The following TMEM74 variants were observed in gnomAD, a reference collection of about 807,000 sequenced individuals.
The protein encoded by TMEM74 is transmembrane protein 74.
A neutral mutation model predicts 18.1 loss-of-function variants in TMEM74; 13 were observed. The ratio of observed to expected loss-of-function variants is 0.72; its 90% confidence interval spans 0.47 to 1.14. The LOEUF is 1.14. TMEM74 is among the 50% of genes most tolerant of loss of function. The pLI is 0.00. For missense variants in TMEM74, 372 were observed against 375.9 expected, an observed-to-expected ratio of 0.99 and a Z score of 0.09; for synonymous variants, 159 against 146.6, an observed-to-expected ratio of 1.08 and a Z score of -0.61.
In TMEM74 at chr8:108,733,021, TG is replaced by T. The variant is rs376975805; in HGVS notation, n.119+54454del. Among the ~76,000 whole-genome samples, 152 of 152,232 alleles carry T rather than the reference TG, an allele frequency of 1.0e-3. 2 individuals are homozygous for T. The South Asian group carries it at 0.027, about 27-fold the overall frequency. On this transcript the variant is annotated intron_variant and non_coding_transcript_variant, in intron 1 of 3. Transcript: ENST00000518838. ...ACAATGTCAAGCATTTTAGAGAATG[TG>T]GAGCATCTGGAACTTCCACATATAG...
At chr8:108,715,432 GA>G (rs377053356) in intron 1 of TMEM74, among the ~76,000 whole-genome samples, 60 of 149,514 alleles carry the variant, frequency 4.0e-4, no homozygotes, top group African/African-American at 1.4e-3. Context: ...AGCGGAAAAA[GA>G]AAAAAAAATG....
At position 108,784,864 on chromosome 8, in the gene TMEM74, C is replaced by A; in HGVS notation, c.235G>T (p.Asp79Tyr). ...TGGAGAAGTCCTGGTGGAAAGGCAT[C>A]TGGCTGAAGAGTACTGTTTTGCAGA... ...SSLQNSTLQP[D>Y]AFPPGLLHSG... The change falls in exon 2 of 2, where the codon GAT becomes TAT. Residue 79 changes from aspartate to tyrosine, a missense_variant. Physicochemically the swap from Asp to Tyr is radical, Grantham distance 160. Transcript: ENST00000297459. The A allele has an allele frequency of 6.2e-7, 1 of 1,614,156 alleles. No homozygotes were observed. Among genetic ancestry groups the A allele is most frequent in the African/African-American group, 1.3e-5 (1 of 75,042 alleles).
chr8:108,706,776 G>GGGGTGT (rs145501229), intron 1 of TMEM74, among the ~76,000 whole-genome samples: 14 of 144,972 alleles, frequency 9.7e-5, no homozygotes, highest in East Asian at 6.2e-4. Context: ...AATTACAAGG[G>GGGGTGT]GTGTGTGTGT....
intron 2 of TMEM74, among the ~76,000 whole-genome samples, chr8:108,645,414 G>T (rs542466714): frequency 1.3e-5 from 2 of 152,148 alleles, no homozygotes; most frequent in South Asian, 4.2e-4. Flanking sequence ...TCAGTGCCTG[G>T]GTGATGGGAT....
chr8:108,670,163 C>T (rs537987509), intron 1 of TMEM74, among the ~76,000 whole-genome samples: 2 of 151,350 alleles, frequency 1.3e-5, no homozygotes, highest in Non-Finnish European at 2.9e-5. Flanking sequence ...CACTCTGAAT[C>T]TGGATAAATT....
chr8:108,652,223 G>T (rs1812782035), intron 2 of TMEM74: 1 of 152,200 alleles, frequency 6.6e-6, no homozygotes, highest in South Asian at 2.1e-4. Flanking sequence ...TACAAATATT[G>T]GTTAAGTAAA....
rs1586297425 is a variant in TMEM74, at chr8:108,783,948, T to C, written c.*233A>G. The C allele has an allele frequency of 8.2e-6, 3 of 363,748 alleles. No homozygotes were observed. Among genetic ancestry groups the C allele is most frequent in the East Asian group, 4.5e-5 (1 of 22,076 alleles). The allele number at this position is 363,748 out of a possible 1,614,324, so 22.5% of individuals were successfully genotyped here. On this transcript the variant is annotated 3_prime_UTR_variant, in exon 2 of 2. Coordinates refer to ENST00000297459, the MANE Select transcript of TMEM74 (RefSeq NM_153015.3). ...AAGTTCTTGGCCATTACAGATTAAT[T>C]AGCCTTCAGCTCTTCAGAAGGATAG... is the stretch of plus-strand genomic sequence containing the variant.
intron 2 of TMEM74, among the ~76,000 whole-genome samples, chr8:108,630,323 A>C (rs60141878): frequency 4.7e-4 from 72 of 151,666 alleles, no homozygotes; most frequent in Non-Finnish European, 6.3e-4. Context: ...ACCCAGATTC[A>C]TAAAACAAGT....
chr8:108,739,349 A>G (rs571755671), intron 1 of TMEM74, among the ~76,000 whole-genome samples: 2 of 152,266 alleles, frequency 1.3e-5, no homozygotes, highest in African/African-American at 2.4e-5. Context: ...AAAATTTGTG[A>G]TAACGCTTCT....
At chr8:108,684,277 T>C (rs1487797442) in intron 1 of TMEM74, among the ~76,000 whole-genome samples, 1 of 152,032 alleles carries the variant, frequency 6.6e-6, no homozygotes, top group Non-Finnish European at 1.5e-5. Context: ...TATTTTTTGT[T>C]TTTCTGATAA....
chr8:108,678,875 C>T (rs1381350171), intron 1 of TMEM74, among the ~76,000 whole-genome samples: 1 of 150,946 alleles, frequency 6.6e-6, no homozygotes, highest in Admixed American at 6.6e-5. Context: ...TTAGGTATAT[C>T]TCCTAATGCC....
intron 2 of TMEM74, among the ~76,000 whole-genome samples, chr8:108,621,714 C>A (rs1293864532): frequency 6.6e-6 from 1 of 152,120 alleles, no homozygotes. Flanking sequence ...CTGGAGGTAG[C>A]TCTGCATTCA....
In TMEM74 at chr8:108,784,008, T is replaced by G; in HGVS notation, c.*173A>C. On this transcript the variant is annotated 3_prime_UTR_variant, in exon 2 of 2. Transcript: ENST00000297459. ...GTTGTGGTTTCTTATACATCTTACA[T>G]GGCTTTTCTTCTAAATAGAAGACAC... is the stretch of plus-strand genomic sequence containing the variant. 1.8e-6 allele frequency: 1 copy of G among 540,936 alleles called. No individual in the cohort carries two copies. The highest frequency in any genetic ancestry group is 3.2e-6 in the Non-Finnish European group (1 of 316,092). The allele number at this position is 540,936 out of a possible 1,614,324, so 33.5% of individuals were successfully genotyped here. A position where few individuals can be genotyped will look rare whatever the true frequency, so the allele number is the denominator to read the frequency against.
At chr8:108,710,212 T>C (rs774211041) in intron 1 of TMEM74, among the ~76,000 whole-genome samples, 8 of 152,250 alleles carry the variant, frequency 5.3e-5, no homozygotes, top group Non-Finnish European at 7.3e-5. Context: ...AGTATATTCT[T>C]ACATGTTTTT....
At chr8:108,631,892 T>G (rs918219711) in intron 2 of TMEM74, among the ~76,000 whole-genome samples, 1 of 152,040 alleles carries the variant, frequency 6.6e-6, no homozygotes, top group Non-Finnish European at 1.5e-5. Context: ...ATTAAATTAA[T>G]TAATAACATA....
rs1409144522 is a variant in TMEM74 at position 108,685,352 on chromosome 8, G to C, written n.120-29915C>G. 2.6e-5 allele frequency among the ~76,000 whole-genome samples: 4 copies of C among 152,102 alleles called. No individual in the cohort carries two copies. In the East Asian group the frequency reaches 7.7e-4, roughly 29 times the overall value. On this transcript the variant is annotated intron_variant and non_coding_transcript_variant, in intron 1 of 3. Transcript: ENST00000518838. The stretch of plus-strand genomic sequence containing the variant: ...TAATAAGTTTTGGTAGAATATTTAA[G>C]TTTTTCTATATGTAAGATCAGTCAT...
intron 1 of TMEM74, among the ~76,000 whole-genome samples, chr8:108,656,981 G>A (rs1812826800): frequency 6.6e-6 from 1 of 152,050 alleles, no homozygotes; most frequent in South Asian, 2.1e-4. Context: ...ATTAAGCTGA[G>A]AAATCATAAC....
chr8:108,727,320 A>C (rs1481174057), intron 1 of TMEM74, among the ~76,000 whole-genome samples: 4 of 152,196 alleles, frequency 2.6e-5, no homozygotes, highest in African/African-American at 9.6e-5. Context: ...GGAATCCACT[A>C]GGGGTCCATT....
intron 1 of TMEM74, among the ~76,000 whole-genome samples, chr8:108,744,963 A>G (rs764372463): frequency 2.0e-5 from 3 of 152,198 alleles, no homozygotes; most frequent in Non-Finnish European, 2.9e-5. Context: ...TCCATTTTGC[A>G]TAAGAAATTT....
Sources: gnomAD v4.1 joint callset for allele counts (sites outside exome capture counted in the v4.1 genomes callset) on GRCh38, gnomAD v4.1.1 for gene constraint, MANE v1.5 for transcripts, NCBI Gene and HGNC (gene_info 2026-07-23, HGNC 2026-07-21) for gene names.